The following FYN variants were observed in gnomAD, a reference collection of about 807,000 sequenced individuals.
The protein encoded by FYN is FYN proto-oncogene, Src family tyrosine kinase.
In FYN, 10 loss-of-function variants were observed where a neutral mutation model predicts 70.2. The observed-to-expected ratio is 0.14, with a 90% CI of 0.09 to 0.24. The LOEUF (loss-of-function observed/expected upper bound fraction) is 0.24. FYN is among the 10% of genes least tolerant of loss of function. The pLI is 1.00. For missense variants in FYN, 319 were observed against 673.1 expected, an observed-to-expected ratio of 0.47 and a Z score of 5.82; for synonymous variants, 236 against 248.6, an observed-to-expected ratio of 0.95 and a Z score of 0.48.
intron 2 of FYN, among the ~76,000 whole-genome samples, chr6:111,825,386 T>A (rs2114385862): frequency 6.6e-6 from 1 of 152,284 alleles, no homozygotes; most frequent in Non-Finnish European, 1.5e-5. Flanking sequence ...AGAGCACAGT[T>A]TTGATAACTA....
chr6:111,767,842 C>T (rs1179621493), intron 3 of FYN, among the ~76,000 whole-genome samples: 1 of 152,222 alleles, frequency 6.6e-6, no homozygotes. Flanking sequence ...TGTGCTGGGA[C>T]TAGATAGATC....
intron 8 of FYN, chr6:111,702,644 A>T (rs1276050958): frequency 5.3e-6 from 2 of 376,782 alleles, no homozygotes; most frequent in East Asian, 3.9e-5. Context: ...ATTGCTTTCT[A>T]CTTGGGAAAC....
At chr6:111,724,500 T>C (rs1333548364) in intron 3 of FYN, among the ~76,000 whole-genome samples, 1 of 152,206 alleles carries the variant, frequency 6.6e-6, no homozygotes, top group Non-Finnish European at 1.5e-5. Flanking sequence ...GCAATGCCAG[T>C]AAGCCCAAGT....
In FYN at chr6:111,702,299, C is replaced by G. The variant is rs370442618; in HGVS notation, c.697+586G>C. ...AGAAAGAACAAAATAATGGTGATAT[C>G]TGGGTGTTAGGACAGAAACTGATGT... On this transcript the variant is annotated intron_variant, in intron 8 of 13. Coordinates refer to ENST00000354650, the MANE Select transcript of FYN (RefSeq NM_002037.5). 19 of 152,086 alleles carry G rather than the reference C, an allele frequency of 1.2e-4. 1 individual carries two copies. The highest frequency in any genetic ancestry group is 4.6e-4 in the African/African-American group (19 of 41,488). 9.4% of individuals were successfully genotyped at this position (152,086 alleles called of 1,614,324 possible).
At chr6:111,800,299 G>A (rs1210021798) in intron 2 of FYN, among the ~76,000 whole-genome samples, 1 of 152,082 alleles carries the variant, frequency 6.6e-6, no homozygotes, top group East Asian at 1.9e-4. Flanking sequence ...GTAATAACAC[G>A]GTACCCCAGA....
At chr6:111,811,988 G>A (rs1340557143) in intron 2 of FYN, among the ~76,000 whole-genome samples, 2 of 152,160 alleles carry the variant, frequency 1.3e-5, no homozygotes, top group Non-Finnish European at 2.9e-5. Context: ...AAGGGACCAC[G>A]TCCTAGGACC....
At position 111,855,558 on chromosome 6, in the gene FYN, C is replaced by A. The variant is rs188425781; in HGVS notation, c.-122-8929G>T. Reference sequence around the variant, plus strand: ...TATCCCAAACTTTTTGTGACAAAGCCAATACTAAATACAAAAAACACTTCA... The same window carrying A: ...TATCCCAAACTTTTTGTGACAAAGCAAATACTAAATACAAAAAACACTTCA... On this transcript the variant is annotated intron_variant, in intron 1 of 13. Transcript: ENST00000354650. Among the ~76,000 whole-genome samples the A allele has an allele frequency of 1.7e-3, 254 of 152,176 alleles. 2 individuals carry two copies. Among genetic ancestry groups the A allele is most frequent in the African/African-American group, 6.0e-3 (248 of 41,508 alleles).
At chr6:111,731,723 T>C (rs1801466246) in intron 3 of FYN, among the ~76,000 whole-genome samples, 1 of 152,124 alleles carries the variant, frequency 6.6e-6, no homozygotes, top group Admixed American at 6.5e-5. Context: ...GGGGACAGAA[T>C]GGCTCAGGAG....
intron 3 of FYN, among the ~76,000 whole-genome samples, chr6:111,748,353 T>C (rs1296975236): frequency 6.6e-6 from 1 of 152,232 alleles, no homozygotes; most frequent in Non-Finnish European, 1.5e-5. Flanking sequence ...TTCATGGAAT[T>C]AGATGAAGAC....
intron 2 of FYN, among the ~76,000 whole-genome samples, chr6:111,830,419 C>T (rs1386889883): frequency 1.3e-5 from 2 of 152,052 alleles, no homozygotes; most frequent in Admixed American, 6.6e-5. Flanking sequence ...CTGAAGGTGG[C>T]CAAGGAGGTG....
At chr6:111,804,976 T>C (rs998717816) in intron 2 of FYN, among the ~76,000 whole-genome samples, 6 of 152,144 alleles carry the variant, frequency 3.9e-5, no homozygotes, top group African/African-American at 1.2e-4. Context: ...CAGGCCTCTC[T>C]GCCTTAAACC....
In FYN at chr6:111,714,417, C is replaced by T. The variant is rs373967031; in HGVS notation, c.274G>A (p.Asp92Asn). Residue 92 changes from aspartate to asparagine, a missense_variant, in exon 5 of 14, where the codon GAC becomes AAC. This residue lies in a region of FYN where 128 missense variants were observed against 183.9 expected (regional missense o/e 0.70). Transcript: ENST00000354650. The part of the protein sequence containing the change: ...TGVTLFVALY[D>N]YEARTEDDLS... ...TCATCTTCTGTCCGTGCTTCATAGT[C>T]ATAAAGGGCCACAAAGAGTGTCACT... 6.8e-6 allele frequency: 11 copies of T among 1,613,974 alleles called. No homozygotes were observed. Among genetic ancestry groups the T allele is most frequent in the Non-Finnish European group, 9.3e-6 (11 of 1,179,968 alleles).
intron 7 of FYN, 35 bp downstream of exon 7, chr6:111,703,964 A>C: frequency 6.5e-7 from 1 of 1,530,548 alleles, no homozygotes; most frequent in Non-Finnish European, 9.1e-7. Context: ...CACAGATTTG[A>C]ATGACAAGCC....
chr6:111,755,317 T>G (rs1231360447), intron 3 of FYN, among the ~76,000 whole-genome samples: 2 of 152,148 alleles, frequency 1.3e-5, no homozygotes, highest in Non-Finnish European at 2.9e-5. Context: ...AACCAGTATT[T>G]TGAGGGAAAC....
At chr6:111,780,452 A>G (rs1033372337) in intron 3 of FYN, 114 bp downstream of exon 3, 2 of 152,558 alleles carry the variant, frequency 1.3e-5, no homozygotes, top group African/African-American at 4.8e-5. Context: ...ATAGAACTCC[A>G]TTCTGCCTGA....
At chr6:111,782,360 C>T (rs372792656) in intron 2 of FYN, among the ~76,000 whole-genome samples, 5 of 152,092 alleles carry the variant, frequency 3.3e-5, no homozygotes, top group South Asian at 4.1e-4. Flanking sequence ...AGTCCATCCA[C>T]GGGTAATGGT....
intron 3 of FYN, among the ~76,000 whole-genome samples, chr6:111,774,496 C>T (rs1021836989): frequency 6.6e-6 from 1 of 152,140 alleles, no homozygotes. Context: ...ACCATCCCTG[C>T]CCCACTTTCT....
intron 2 of FYN, among the ~76,000 whole-genome samples, chr6:111,837,798 T>C (rs1773234364): frequency 6.7e-6 from 1 of 150,044 alleles, no homozygotes; most frequent in Non-Finnish European, 1.5e-5. Flanking sequence ...GCTCACATAC[T>C]TTCCACCACA....
At chr6:111,760,659 G>A (rs1802966997) in intron 3 of FYN, among the ~76,000 whole-genome samples, 1 of 152,218 alleles carries the variant, frequency 6.6e-6, no homozygotes, top group African/African-American at 2.4e-5. Flanking sequence ...CTCCCCTCAA[G>A]CTGGGAGTTG....
Sources: gnomAD v4.1 joint callset for allele counts (sites outside exome capture counted in the v4.1 genomes callset) on GRCh38, gnomAD v4.1.1 for gene constraint, gnomAD v4.1.1 regional missense constraint, MANE v1.5 for transcripts, NCBI Gene and HGNC (gene_info 2026-07-23, HGNC 2026-07-21) for gene names.